The following ATP8A1 variants were observed in gnomAD, a reference collection of about 807,000 sequenced individuals.
The protein encoded by ATP8A1 is ATPase phospholipid transporting 8A1.
Under a neutral mutation model 177.7 loss-of-function variants are expected in ATP8A1, and 90 were observed. That is an observed-to-expected ratio of 0.51 (90% CI 0.43 to 0.60). ATP8A1 has a LOEUF of 0.60. Among genes scored for constraint, ATP8A1 ranks in the 20% least tolerant of loss-of-function variants. The pLI is 0.00. For missense variants in ATP8A1, 1,072 were observed against 1,392.8 expected (o/e 0.77, Z 3.67); for synonymous variants, 493 against 485.9 (o/e 1.01, Z -0.19).
At chr4:42,551,117 G>T in intron 18 of ATP8A1, 81 bp downstream of exon 18, 1 of 1,169,330 alleles carries the variant, frequency 8.6e-7, no homozygotes, top group Non-Finnish European at 1.3e-6. Context: ...TTTACTATGA[G>T]CCTTTTGGTA....
chr4:42,636,977 T>C (rs1192757132), intron 1 of ATP8A1, among the ~76,000 whole-genome samples: 1 of 152,204 alleles, frequency 6.6e-6, no homozygotes, highest in African/African-American at 2.4e-5. Flanking sequence ...CTCCACCCGC[T>C]TAAAGGATAT....
intron 1 of ATP8A1, 45 bp from the exon 2 acceptor site, chr4:42,627,154 C>T: frequency 1.4e-6 from 2 of 1,457,856 alleles, no homozygotes; most frequent in East Asian, 2.3e-5. Context: ...TTTTATTGTC[C>T]AGACCAAAAA....
At chr4:42,579,499 A>G (rs1003942009) in intron 11 of ATP8A1, among the ~76,000 whole-genome samples, 1 of 150,356 alleles carries the variant, frequency 6.7e-6, no homozygotes, top group Admixed American at 6.6e-5. Context: ...TCTTTACCAT[A>G]TAGTTAACCA....
intron 33 of ATP8A1, among the ~76,000 whole-genome samples, chr4:42,425,370 G>A (rs1178498946): frequency 1.3e-5 from 2 of 152,034 alleles, no homozygotes; most frequent in Non-Finnish European, 2.9e-5. Context: ...AGTGACTGGC[G>A]CCCCACCATT....
chr4:42,432,730 T>C (rs1031722811), intron 33 of ATP8A1, among the ~76,000 whole-genome samples: 3 of 152,172 alleles, frequency 2.0e-5, no homozygotes, highest in South Asian at 4.1e-4. Context: ...TCCCACTGAA[T>C]CCTTCAGTAG....
chr4:42,514,697 T>C (rs1009147427), intron 22 of ATP8A1, among the ~76,000 whole-genome samples: 2 of 152,170 alleles, frequency 1.3e-5, no homozygotes, highest in African/African-American at 2.4e-5. Flanking sequence ...CAAAAGCAAG[T>C]TGGCAACGTA....
intron 4 of ATP8A1, among the ~76,000 whole-genome samples, chr4:42,623,124 G>T (rs945391007): frequency 1.1e-4 from 16 of 151,766 alleles, no homozygotes; most frequent in African/African-American, 3.6e-4. Context: ...TTAGAGAAAT[G>T]CAAACCAAAA....
chr4:42,580,277 T>G (rs1313853171), intron 10 of ATP8A1, among the ~76,000 whole-genome samples: 1 of 152,210 alleles, frequency 6.6e-6, no homozygotes. Context: ...AGATGAATAA[T>G]GCATTACTTG....
At chr4:42,578,168 A>G in intron 12 of ATP8A1, 92 bp downstream of exon 12, 1 of 1,232,682 alleles carries the variant, frequency 8.1e-7, no homozygotes, top group African/African-American at 1.6e-5. Flanking sequence ...GAAACGGTAG[A>G]TATAATTAAA....
At chr4:42,488,525 C>T (rs533835698) in intron 24 of ATP8A1, among the ~76,000 whole-genome samples, 2 of 152,230 alleles carry the variant, frequency 1.3e-5, no homozygotes, top group South Asian at 2.1e-4. Flanking sequence ...TTGTCTTTAC[C>T]ACCAACAGAG....
intron 35 of ATP8A1, among the ~76,000 whole-genome samples, chr4:42,417,839 G>A (rs1237572084): frequency 1.3e-5 from 2 of 152,258 alleles, no homozygotes; most frequent in African/African-American, 2.4e-5. Flanking sequence ...CTGTGGTGGC[G>A]GAGAAACAAA....
chr4:42,541,211 C>A (rs1284040110), intron 20 of ATP8A1, among the ~76,000 whole-genome samples: 2 of 151,880 alleles, frequency 1.3e-5, no homozygotes, highest in Non-Finnish European at 2.9e-5. Flanking sequence ...TAATAATGGG[C>A]AAAAGATCTG....
chr4:42,497,630 C>G (rs1366959642), intron 24 of ATP8A1, among the ~76,000 whole-genome samples: 1 of 152,134 alleles, frequency 6.6e-6, no homozygotes, highest in African/African-American at 2.4e-5. Context: ...ACAAGCCAGC[C>G]TCGCTGAATT....
chr4:42,588,740 T>G (rs1052148806), intron 7 of ATP8A1: 1 of 153,792 alleles, frequency 6.5e-6, no homozygotes, highest in African/African-American at 2.4e-5. Flanking sequence ...GCATGTAAAT[T>G]GGTTAAGAAA....
Position 42,575,706 on chromosome 4 carries a change from T to C in ATP8A1, c.1129-7A>G, listed in dbSNP as rs760068875. 1.6e-5 allele frequency: 25 copies of C among 1,608,522 alleles called. No individual in the cohort carries two copies. Among genetic ancestry groups the C allele is most frequent in the Non-Finnish European group, 2.1e-5 (25 of 1,175,962 alleles). ...CATAGTGCATGTCAAGATCCTTTAA[T>C]AAAATTAAGTAAATCATTGAACACA... On this transcript the variant is annotated splice_polypyrimidine_tract_variant and splice_region_variant and intron_variant, in intron 12 of 36. Transcript: ENST00000381668.
rs545344344 is a variant in ATP8A1 at position 42,640,930 on chromosome 4, G to A, written c.50-13821C>T. 3.3e-5 allele frequency among the ~76,000 whole-genome samples: 5 copies of A among 151,592 alleles called. No individual in the cohort carries two copies. In the South Asian group the frequency reaches 6.3e-4, roughly 19 times the overall value. On this transcript the variant is annotated intron_variant, in intron 1 of 36. Transcript: ENST00000381668. ...ATCACGGACAGGTGGGCTGGAGGGA[G>A]CATCATGGCACTCTGAAGCCACATG...
At chr4:42,524,421 G>C (rs1304526707) in intron 21 of ATP8A1, among the ~76,000 whole-genome samples, 1 of 144,898 alleles carries the variant, frequency 6.9e-6, no homozygotes, top group Non-Finnish European at 1.5e-5. Flanking sequence ...TAGAATATCT[G>C]TTTTTTTTTT....
At chr4:42,429,425 G>A (rs1354521598) in intron 33 of ATP8A1, among the ~76,000 whole-genome samples, 1 of 151,164 alleles carries the variant, frequency 6.6e-6, no homozygotes, top group Non-Finnish European at 1.5e-5. Flanking sequence ...AGGAAGAGCT[G>A]TAGAATAGGC....
chr4:42,551,776 G>T lies in ATP8A1; in HGVS notation c.1520-496C>A, dbSNP rs961303014. Among the ~76,000 whole-genome samples the T allele has an allele frequency of 2.0e-5, 3 of 152,230 alleles. No individual in the cohort carries two copies. The East Asian group carries it at 5.8e-4, about 29-fold the overall frequency. On this transcript the variant is annotated intron_variant, in intron 17 of 36. Coordinates refer to ENST00000381668, the MANE Select transcript of ATP8A1 (RefSeq NM_006095.2). ...ATAAAACCTTTTTATTGCTAGAGTA[G>T]GGTATGGCATAAGAAAACATCACAT... is the stretch of plus-strand genomic sequence containing the variant.
Sources: gnomAD v4.1 joint callset for allele counts (sites outside exome capture counted in the v4.1 genomes callset) on GRCh38, gnomAD v4.1.1 for gene constraint, MANE v1.5 for transcripts, NCBI Gene and HGNC (gene_info 2026-07-23, HGNC 2026-07-21) for gene names.